Variants in PSMG2 observed in about 807,000 individuals in gnomAD.
The protein encoded by PSMG2 is CD40 ligand-activated specific transcript 3.
A neutral mutation model predicts 31.5 loss-of-function variants in PSMG2; 21 were observed. That is an observed-to-expected ratio of 0.67 (90% CI 0.47 to 0.96). The LOEUF (loss-of-function observed/expected upper bound fraction) is 0.96, where lower values mean the gene tolerates loss of function less well. Among genes scored for constraint, PSMG2 ranks in the 40% least tolerant of loss-of-function variants. PSMG2 has a pLI of 0.00. For synonymous variants in PSMG2, 120 were observed against 110.4 expected (o/e 1.09, Z -0.54); for missense variants, 318 against 321.2 (o/e 0.99, Z 0.08).
In PSMG2 at chr18:12,693,451, G is replaced by A. The variant is rs889264095; in HGVS notation, c.-36-13099G>A. On this transcript the variant is annotated intron_variant, in intron 1 of 6. Coordinates refer to the PSMG2 transcript ENST00000585331. ...AATAAAATTTAATTAAAAAAAACAA[G>A]CTACTACCCCAAAAAAGTAGAGCCC... 1.3e-4 allele frequency among the ~76,000 whole-genome samples: 19 copies of A among 151,858 alleles called. No homozygotes were observed. In the South Asian group the frequency reaches 3.8e-3, roughly 30 times the overall value.
intron 1 of PSMG2, chr18:12,674,604 G>T (rs1482201584): frequency 2.2e-5 from 35 of 1,613,932 alleles, no homozygotes; most frequent in Non-Finnish European, 2.8e-5. Context: ...CTTTAAATGT[G>T]TGACCATCAG....
chr18:12,691,340 T>A (rs1258429323), intron 1 of PSMG2: 1 of 1,506,888 alleles, frequency 6.6e-7, no homozygotes, highest in Admixed American at 2.2e-5. Flanking sequence ...ATAAAATTAT[T>A]CTAATATAAT....
At chr18:12,668,134 G>A (rs1207986647) in intron 1 of PSMG2, among the ~76,000 whole-genome samples, 1 of 151,688 alleles carries the variant, frequency 6.6e-6, no homozygotes, top group African/African-American at 2.4e-5. Context: ...ACATGTTGGT[G>A]CAGGCCTGTA....
intron 1 of PSMG2, chr18:12,663,419 C>G (rs1175390177): frequency 6.6e-6 from 1 of 152,112 alleles, no homozygotes; most frequent in African/African-American, 2.4e-5. Context: ...ACCACAGGTG[C>G]ACACGACCAC....
chr18:12,699,017 T>G, upstream of PSMG2: 1 of 1,613,776 alleles, frequency 6.2e-7, no homozygotes, highest in Non-Finnish European at 8.5e-7. Flanking sequence ...AAAGCCATCA[T>G]GAAAATCTGG....
In PSMG2 at chr18:12,686,231, G is replaced by A. The variant is rs773009898; in HGVS notation, c.-36-20319G>A. On this transcript the variant is annotated intron_variant, in intron 1 of 6. Transcript: ENST00000585331. ...AAATTCAGAGTAACTATGATATACT[G>A]CTACTTAATTCTATTATGTGTGTAT... is the stretch of plus-strand genomic sequence containing the variant. 2.6e-6 allele frequency: 4 copies of A among 1,539,010 alleles called. No individual in the cohort carries two copies. The South Asian group carries it at 3.5e-5, about 13-fold the overall frequency.
chr18:12,676,055 TC>T (rs1367847396), intron 1 of PSMG2, among the ~76,000 whole-genome samples: 2 of 152,126 alleles, frequency 1.3e-5, no homozygotes, highest in Admixed American at 6.6e-5. Flanking sequence ...CAAAAAATTC[TC>T]AAAATTCTAG....
At chr18:12,720,461 G>A (rs763833952) in intron 4 of PSMG2, 49 bp from the exon 5 acceptor site, 53 of 1,405,572 alleles carry the variant, frequency 3.8e-5, no homozygotes, top group Middle Eastern at 2.2e-4. Flanking sequence ...CTAAAGAACC[G>A]ATGTTTGCTT....
chr18:12,703,781 T>C (rs1174728490), intron 1 of PSMG2, among the ~76,000 whole-genome samples: 1 of 152,116 alleles, frequency 6.6e-6, no homozygotes, highest in Non-Finnish European at 1.5e-5. Context: ...GAGGGACAGA[T>C]GGCTTGTTAA....
intron 1 of PSMG2, among the ~76,000 whole-genome samples, chr18:12,669,245 T>C (rs1354096980): frequency 2.0e-5 from 3 of 151,786 alleles, no homozygotes; most frequent in Non-Finnish European, 4.4e-5. Context: ...CCCGAGTAGC[T>C]GGGAATACAG....
At chr18:12,725,366 T>A in intron 6 of PSMG2, 73 bp from the exon 7 acceptor site, 6 of 1,212,544 alleles carry the variant, frequency 4.9e-6, no homozygotes, top group South Asian at 1.5e-5. Flanking sequence ...AAAAGGAGAG[T>A]TTTATAATTC....
upstream of PSMG2, chr18:12,698,822 G>A (rs1466546850): frequency 1.7e-6 from 1 of 603,226 alleles, no homozygotes; most frequent in East Asian, 2.8e-5. Context: ...ATTGCAAGAA[G>A]GTGGATAGTA....
rs150779626 is a variant in PSMG2 at position 12,686,145 on chromosome 18, T to C, written c.-36-20405T>C. On this transcript the variant is annotated intron_variant, in intron 1 of 6. Coordinates refer to the PSMG2 transcript ENST00000585331. ...GTTGAATCTACAGATACAGAACCTG[T>C]GGGTACAGAGGGTTGACTATATGTG... 1.1e-4 allele frequency: 78 copies of C among 682,834 alleles called. 2 individuals are homozygous for C. In the East Asian group the frequency reaches 2.3e-3, roughly 20 times the overall value. The allele number at this position is 682,834 out of a possible 1,614,324, so 42.3% of individuals were successfully genotyped here.
chr18:12,682,404 G>A (rs923264807), intron 1 of PSMG2, among the ~76,000 whole-genome samples: 1 of 152,042 alleles, frequency 6.6e-6, no homozygotes, highest in South Asian at 2.1e-4. Flanking sequence ...GCCCTGGCTG[G>A]TCTCGAATTC....
At chr18:12,687,274 G>A (rs2039570993) in intron 1 of PSMG2, among the ~76,000 whole-genome samples, 1 of 152,038 alleles carries the variant, frequency 6.6e-6, no homozygotes, top group Non-Finnish European at 1.5e-5. Context: ...CAGAACCACT[G>A]ATGTCTTTCT....
intron 5 of PSMG2, among the ~76,000 whole-genome samples, chr18:12,721,754 A>ATT (rs1038139402): frequency 5.3e-5 from 8 of 150,382 alleles, no homozygotes; most frequent in African/African-American, 2.0e-4. Context: ...CCTAATCTTT[A>ATT]TTTTTTTCCG....
chr18:12,682,253 G>A (rs1207863527), intron 1 of PSMG2, among the ~76,000 whole-genome samples: 2 of 150,838 alleles, frequency 1.3e-5, no homozygotes, highest in Non-Finnish European at 3.0e-5. Context: ...CTGCCTTGAC[G>A]TCCTCAGCTC....
chr18:12,699,266 C>A, upstream of PSMG2: 1 of 1,157,134 alleles, frequency 8.6e-7, no homozygotes, highest in Non-Finnish European at 1.2e-6. Flanking sequence ...GTGATCAAGA[C>A]ATTAGGAAAT....
At chr18:12,716,390 ATTTT>A (rs552921643) in intron 3 of PSMG2, among the ~76,000 whole-genome samples, 3 of 130,338 alleles carry the variant, frequency 2.3e-5, no homozygotes, top group Admixed American at 7.8e-5. Flanking sequence ...TAAAGAGTGA[ATTTT>A]TTTTTTTTTT....
Sources: allele counts gnomAD v4.1 joint callset (sites outside exome capture counted in the v4.1 genomes callset), GRCh38; gene constraint gnomAD v4.1.1; transcripts MANE v1.5; gene names NCBI Gene and HGNC (gene_info 2026-07-23, HGNC 2026-07-21).